Variants in DZIP3 observed in about 807,000 individuals in gnomAD.
The protein encoded by DZIP3 is E3 ubiquitin-protein ligase DZIP3.
DZIP3 carries 118 observed loss-of-function variants against 162.0 expected under a neutral mutation model. The ratio of observed to expected loss-of-function variants is 0.73; its 90% CI spans 0.63 to 0.85. The LOEUF (loss-of-function observed/expected upper bound fraction) is 0.85. Among genes scored for constraint, DZIP3 ranks in the 40% least tolerant of loss-of-function variants. The pLI, the probability that DZIP3 is intolerant of heterozygous loss-of-function variation, is 0.00. For synonymous variants in DZIP3, 438 were observed against 458.6 expected (o/e 0.96, Z 0.57); for missense variants, 1,331 against 1,407.0 (o/e 0.95, Z 0.86).
intron 8 of DZIP3, among the ~76,000 whole-genome samples, chr3:108,632,002 G>C (rs1396724458): frequency 1.3e-5 from 2 of 151,398 alleles, no homozygotes; most frequent in Non-Finnish European, 2.9e-5. Flanking sequence ...CTACTGTCTG[G>C]GAAATTTTCT....
chr3:108,629,190 TAA>T lies in DZIP3; in HGVS notation c.696+15_696+16del, dbSNP rs1167482913. 10 of 1,478,076 alleles carry T rather than the reference TAA, an allele frequency of 6.8e-6. 1 individual carries two copies. The African/African-American group carries it at 1.1e-4, about 17-fold the overall frequency. The allele number at this position is 1,478,076 out of a possible 1,614,324, so 91.6% of individuals were successfully genotyped here. On this transcript the variant is annotated intron_variant, in intron 8 of 32. Transcript: ENST00000361582. The stretch of plus-strand genomic sequence containing the variant: ...ACAACTTTTAAAGTAAGAAATTATT[TAA>T]GAGTAACATTTTATTTGTAACTAAT...
intron 1 of DZIP3, among the ~76,000 whole-genome samples, chr3:108,604,923 A>G (rs1029834367): frequency 6.6e-6 from 1 of 152,170 alleles, no homozygotes; most frequent in Non-Finnish European, 1.5e-5. Context: ...TGGATAATTG[A>G]GTTTATCATG....
chr3:108,689,235 C>G (rs1944604934), intron 31 of DZIP3, among the ~76,000 whole-genome samples: 1 of 152,216 alleles, frequency 6.6e-6, no homozygotes, highest in East Asian at 1.9e-4. Flanking sequence ...AGTGGCAGAA[C>G]TAGCAACAGC....
chr3:108,664,482 G>A (rs368226723), intron 21 of DZIP3, among the ~76,000 whole-genome samples: 28 of 152,222 alleles, frequency 1.8e-4, no homozygotes, highest in African/African-American at 5.8e-4. Flanking sequence ...TAATTCCTCT[G>A]CCAGGATGTG....
intron 1 of DZIP3, among the ~76,000 whole-genome samples, chr3:108,593,536 T>G (rs1330981505): frequency 6.6e-6 from 1 of 152,168 alleles, no homozygotes; most frequent in Non-Finnish European, 1.5e-5. Context: ...GTTTCATCTT[T>G]TTTTATGCTA....
At chr3:108,620,240 A>G (rs1941259661) in intron 5 of DZIP3, among the ~76,000 whole-genome samples, 1 of 152,212 alleles carries the variant, frequency 6.6e-6, no homozygotes. Flanking sequence ...TCAGTGATCA[A>G]TATTTTTATT....
At chr3:108,605,869 G>A (rs1249344000) in intron 2 of DZIP3, among the ~76,000 whole-genome samples, 1 of 152,212 alleles carries the variant, frequency 6.6e-6, no homozygotes, top group East Asian at 1.9e-4. Context: ...GTAACCTTGG[G>A]AAGCCAGTAT....
rs1407901267 is a variant in DZIP3, at chr3:108,619,325, T to TGTGTG, written c.375+2668_375+2669insGTGTG. 1.8e-3 allele frequency among the ~76,000 whole-genome samples: 269 copies of TGTGTG among 149,802 alleles called. 1 individual carries two copies. Among genetic ancestry groups the TGTGTG allele is most frequent in the African/African-American group, 6.4e-3 (260 of 40,326 alleles). ...GTATGTGTGTGTGTGTGTGTGTGTG[T>TGTGTG]TTTGTTTTATATACATAAAACATAC... On this transcript the variant is annotated intron_variant, in intron 5 of 32. Transcript: ENST00000361582.
At chr3:108,614,354 C>T (rs572678733) in intron 4 of DZIP3, among the ~76,000 whole-genome samples, 1 of 152,298 alleles carries the variant, frequency 6.6e-6, no homozygotes, top group East Asian at 1.9e-4. Context: ...CCTGGTTTGT[C>T]TCATAGCAAC....
At chr3:108,608,192 TTAATTGA>T (rs777129417) in intron 3 of DZIP3, 34 bp downstream of exon 3, 2 of 1,431,476 alleles carry the variant, frequency 1.4e-6, no homozygotes, top group Non-Finnish European at 1.9e-6. Flanking sequence ...TAACTGTTAG[TTAATTGA>T]TAATTAATTA....
intron 14 of DZIP3, among the ~76,000 whole-genome samples, chr3:108,645,420 T>C (rs1268102955): frequency 6.6e-6 from 1 of 152,216 alleles, no homozygotes; most frequent in Non-Finnish European, 1.5e-5. Flanking sequence ...ATTCATTGGC[T>C]GTAGATAATT....
intron 22 of DZIP3, 126 bp from the exon 23 acceptor site, chr3:108,672,434 T>G: frequency 1.4e-6 from 1 of 729,560 alleles, no homozygotes; most frequent in Non-Finnish European, 2.3e-6. Flanking sequence ...TGTTTCTATG[T>G]GCTCTATACT....
intron 31 of DZIP3, 43 bp from the exon 32 acceptor site, chr3:108,690,744 A>G: frequency 6.4e-7 from 1 of 1,571,356 alleles, no homozygotes; most frequent in South Asian, 1.1e-5. Flanking sequence ...TGCCTCTGCT[A>G]GGCTACATCT....
chr3:108,608,197 TG>T, intron 3 of DZIP3, 39 bp downstream of exon 3: 1 of 1,401,822 alleles, frequency 7.1e-7, no homozygotes, highest in Non-Finnish European at 9.8e-7. Context: ...GTTAGTTAAT[TG>T]ATAATTAATT....
chr3:108,634,672 G>A (rs190386029), intron 9 of DZIP3, among the ~76,000 whole-genome samples, 199 bp from the exon 10 acceptor site: 1 of 151,734 alleles, frequency 6.6e-6, no homozygotes, highest in East Asian at 1.9e-4. Flanking sequence ...TTTTTTTACT[G>A]TCCTAATTTT....
chr3:108,601,543 C>T (rs554508045), intron 1 of DZIP3, among the ~76,000 whole-genome samples: 2 of 152,150 alleles, frequency 1.3e-5, no homozygotes, highest in South Asian at 2.1e-4. Flanking sequence ...TTTTCCACAC[C>T]GATACTCACT....
rs536671403 is a variant in DZIP3, at chr3:108,617,567, A to G, written c.375+910A>G. Among the ~76,000 whole-genome samples, 248 of 152,322 alleles carry G rather than the reference A, an allele frequency of 1.6e-3. 2 individuals carry two copies. Among genetic ancestry groups the G allele is most frequent in the Middle Eastern group, 3.4e-3 (1 of 294 alleles). On this transcript the variant is annotated intron_variant, in intron 5 of 32. Coordinates refer to ENST00000361582, the MANE Select transcript of DZIP3 (RefSeq NM_014648.4). ...AAATAAATAGGGTTATCTTCAAAAA[A>G]GGACTACCCAGACACCAAAAAAGGG... is the stretch of plus-strand genomic sequence containing the variant.
chr3:108,619,657 GGATGATGCC>G (rs1313362339), intron 5 of DZIP3, among the ~76,000 whole-genome samples: 1 of 152,100 alleles, frequency 6.6e-6, no homozygotes, highest in Non-Finnish European at 1.5e-5. Context: ...TTAATGGATT[GGATGATGCC>G]CACCTACATT....
intron 14 of DZIP3, 95 bp downstream of exon 14, chr3:108,644,876 G>A (rs1942557036): frequency 3.3e-6 from 4 of 1,227,458 alleles, no homozygotes; most frequent in African/African-American, 1.5e-5. Context: ...GATTCAGTGA[G>A]CTCATGGTTT....
Sources: gnomAD v4.1 joint callset for allele counts (sites outside exome capture counted in the v4.1 genomes callset) on GRCh38, gnomAD v4.1.1 for gene constraint, MANE v1.5 for transcripts, NCBI Gene and HGNC (gene_info 2026-07-23, HGNC 2026-07-21) for gene names.